Variants in FER observed in about 807,000 individuals in gnomAD.
FER encodes the protein tyrosine-protein kinase Fer.
Under a neutral mutation model 111.0 loss-of-function variants are expected in FER, and 63 were observed. That is an observed-to-expected ratio of 0.57 (90% CI 0.46 to 0.70). The LOEUF is 0.70. FER is among the 30% of genes least tolerant of loss of function. FER has a pLI of 0.00. For missense variants in FER, 914 were observed against 954.0 expected, an observed-to-expected ratio of 0.96 and a Z score of 0.55; for synonymous variants, 327 against 313.9, an observed-to-expected ratio of 1.04 and a Z score of -0.44.
intron 5 of FER, among the ~76,000 whole-genome samples, chr5:108,863,864 T>C (rs900446971): frequency 1.6e-4 from 25 of 152,314 alleles, no homozygotes; most frequent in African/African-American, 5.5e-4. Flanking sequence ...TTGTGGGTGG[T>C]AGTCAAAAAG....
intron 14 of FER, among the ~76,000 whole-genome samples, chr5:109,039,402 C>G (rs990008016): frequency 2.0e-5 from 3 of 152,088 alleles, no homozygotes; most frequent in Admixed American, 1.3e-4. Flanking sequence ...GCCAGAAATC[C>G]TTTCTCTTAC....
intron 2 of FER, among the ~76,000 whole-genome samples, chr5:108,769,799 G>A (rs1482085705): frequency 1.3e-5 from 2 of 152,166 alleles, no homozygotes; most frequent in Non-Finnish European, 2.9e-5. Flanking sequence ...TATCTTTCTT[G>A]TTAACTGATG....
chr5:108,760,459 C>T (rs1751605990), intron 1 of FER, among the ~76,000 whole-genome samples: 1 of 152,192 alleles, frequency 6.6e-6, no homozygotes, highest in Admixed American at 6.5e-5. Context: ...ATGACATTTT[C>T]TTTCTATATA....
At chr5:109,008,152 T>C (rs189749408) in intron 13 of FER, among the ~76,000 whole-genome samples, 35 of 152,302 alleles carry the variant, frequency 2.3e-4, no homozygotes, top group Admixed American at 2.2e-3. Flanking sequence ...ACGGAGGAAA[T>C]AAAGTGTATC....
At position 109,025,627 on chromosome 5, in the gene FER, A is replaced by G. The variant is rs567395184; in HGVS notation, c.1657-11795A>G. ...TACCCTTTATTTCCTTCTCCTGCCT[A>G]ATTGCCCTGGCCAGAACTTCCAACA... On this transcript the variant is annotated intron_variant, in intron 13 of 19. Transcript: ENST00000281092. Among the ~76,000 whole-genome samples, 759 of 146,350 alleles carry G rather than the reference A, an allele frequency of 5.2e-3. 13 individuals are homozygous for G. The highest frequency in any genetic ancestry group is 0.03 in the Admixed American group (430 of 14,460).
At chr5:109,121,698 A>G (rs1254605705) in intron 17 of FER, among the ~76,000 whole-genome samples, 4 of 152,050 alleles carry the variant, frequency 2.6e-5, no homozygotes, top group Non-Finnish European at 1.5e-5. Flanking sequence ...ATGTTTGGTA[A>G]AATTCAGCAG....
At chr5:109,029,762 C>G (rs891541784) in intron 13 of FER, among the ~76,000 whole-genome samples, 2 of 152,164 alleles carry the variant, frequency 1.3e-5, no homozygotes, top group African/African-American at 4.8e-5. Flanking sequence ...GACTCCTTGT[C>G]TTTCCTTGTC....
intron 2 of FER, among the ~76,000 whole-genome samples, chr5:108,788,968 A>G (rs1755054977): frequency 6.6e-6 from 1 of 152,198 alleles, no homozygotes; most frequent in African/African-American, 2.4e-5. Context: ...GACATTGTCA[A>G]TTCTAGATCT....
intron 17 of FER, among the ~76,000 whole-genome samples, chr5:109,152,736 C>G (rs148471918): frequency 0.012 from 1,778 of 151,928 alleles, 22 homozygotes; most frequent in Non-Finnish European, 0.017. Context: ...GTTTTGCTAT[C>G]ATGTTCAGGA....
intron 5 of FER, among the ~76,000 whole-genome samples, chr5:108,840,456 C>T (rs568756283): frequency 1.3e-5 from 2 of 152,108 alleles, no homozygotes; most frequent in South Asian, 4.2e-4. Flanking sequence ...GTAAACATAC[C>T]ACATTTGATT....
intron 17 of FER, among the ~76,000 whole-genome samples, chr5:109,153,568 A>T (rs1293125490): frequency 2.0e-5 from 3 of 151,944 alleles, no homozygotes; most frequent in African/African-American, 7.2e-5. Context: ...AGTGAGCACC[A>T]GAATCACTTC....
intron 3 of FER, chr5:108,819,836 T>C: frequency 1.0e-6 from 1 of 985,302 alleles, no homozygotes; most frequent in Non-Finnish European, 1.2e-6. Flanking sequence ...AGAACTGAGT[T>C]TTAATTTTTT....
chr5:108,933,592 C>T (rs915481240), intron 10 of FER, among the ~76,000 whole-genome samples: 6 of 152,068 alleles, frequency 3.9e-5, no homozygotes, highest in African/African-American at 1.2e-4. Context: ...TTTTTGGTTC[C>T]ATATGAAATT....
chr5:109,026,185 C>T (rs1768707162), intron 13 of FER, among the ~76,000 whole-genome samples: 1 of 151,928 alleles, frequency 6.6e-6, no homozygotes, highest in South Asian at 2.1e-4. Flanking sequence ...AATTAAAATC[C>T]TTTCTAGAAT....
At chr5:109,000,400 G>A (rs1561749291) in intron 13 of FER, among the ~76,000 whole-genome samples, 2 of 151,446 alleles carry the variant, frequency 1.3e-5, no homozygotes, top group African/African-American at 4.8e-5. Flanking sequence ...CAAAACAAAT[G>A]GATAGAAAAC....
chr5:109,012,943 A>G (rs1267362366), intron 13 of FER, among the ~76,000 whole-genome samples: 1 of 152,192 alleles, frequency 6.6e-6, no homozygotes, highest in African/African-American at 2.4e-5. Flanking sequence ...TTCTCATTGA[A>G]TATTTAACTC....
intron 10 of FER, among the ~76,000 whole-genome samples, chr5:108,932,253 T>C (rs1000151815): frequency 1.6e-4 from 24 of 152,172 alleles, no homozygotes; most frequent in Non-Finnish European, 5.9e-5. Flanking sequence ...CTCCCACTTA[T>C]GAGTGAGAAC....
chr5:108,934,222 T>A lies in FER; in HGVS notation c.1237-11908T>A, dbSNP rs190226091. The stretch of plus-strand genomic sequence containing the variant: ...GCAACCTGGCTTACTACAAAGAGAG[T>A]AAGCAAAGAGTTACTTTGTTATCTT... On this transcript the variant is annotated intron_variant, in intron 10 of 19. Coordinates refer to ENST00000281092, the MANE Select transcript of FER (RefSeq NM_005246.4). Among the ~76,000 whole-genome samples the A allele has an allele frequency of 1.1e-3, 174 of 152,208 alleles. 1 individual carries two copies. The highest frequency in any genetic ancestry group is 4.1e-3 in the African/African-American group (170 of 41,530).
At chr5:109,038,580 A>G (rs940651666) in intron 14 of FER, among the ~76,000 whole-genome samples, 1 of 151,956 alleles carries the variant, frequency 6.6e-6, no homozygotes, top group Non-Finnish European at 1.5e-5. Flanking sequence ...TTTTATTGGC[A>G]TATTTAGTAA....
Sources: allele counts gnomAD v4.1 joint callset (sites outside exome capture counted in the v4.1 genomes callset), GRCh38; gene constraint gnomAD v4.1.1; transcripts MANE v1.5; gene names NCBI Gene and HGNC (gene_info 2026-07-23, HGNC 2026-07-21).